Variants in CCDC172 observed in about 807,000 individuals in gnomAD.
CCDC172 encodes coiled-coil domain containing 172.
In CCDC172, 30 loss-of-function variants were observed where a neutral mutation model predicts 38.0. The observed-to-expected ratio is 0.79, with a 90% CI of 0.59 to 1.07. The LOEUF is 1.07. Among genes scored for constraint, CCDC172 ranks in the 50% least tolerant of loss-of-function variants. The probability of loss-of-function intolerance (pLI) is 0.00; values close to 1 mark genes in which losing one functional copy is unlikely to be tolerated. For synonymous variants in CCDC172, 78 were observed against 88.3 expected, an observed-to-expected ratio of 0.88 and a Z score of 0.66; for missense variants, 297 against 290.1, an observed-to-expected ratio of 1.02 and a Z score of -0.17.
intron 5 of CCDC172, among the ~76,000 whole-genome samples, chr10:116,343,650 C>T (rs1057341924): frequency 3.7e-4 from 56 of 151,964 alleles, no homozygotes; most frequent in African/African-American, 1.4e-4. Context: ...AGTCCAAGCT[C>T]ACTGTGTTCA....
At chr10:116,328,784 G>A (rs1190053396) in intron 3 of CCDC172, among the ~76,000 whole-genome samples, 1 of 151,968 alleles carries the variant, frequency 6.6e-6, no homozygotes, top group African/African-American at 2.4e-5. Context: ...GTAAAAGTTA[G>A]GAAACCTCCA....
chr10:116,365,726 T>A (rs1845114960), intron 7 of CCDC172, among the ~76,000 whole-genome samples: 1 of 152,192 alleles, frequency 6.6e-6, no homozygotes, highest in African/African-American at 2.4e-5. Flanking sequence ...ATGTGCTGCA[T>A]AATGACATTT....
intron 7 of CCDC172, among the ~76,000 whole-genome samples, chr10:116,363,945 A>T (rs988034787): frequency 3.4e-4 from 51 of 151,522 alleles, no homozygotes; most frequent in Middle Eastern, 3.4e-3. Context: ...AAAAAAAAAA[A>T]AAAATAATAA....
intron 7 of CCDC172, among the ~76,000 whole-genome samples, chr10:116,363,455 C>A (rs532365457): frequency 6.6e-6 from 1 of 151,998 alleles, no homozygotes; most frequent in Admixed American, 6.6e-5. Flanking sequence ...ACTGATAGTA[C>A]TTTAAATAGA....
intron 3 of CCDC172, among the ~76,000 whole-genome samples, chr10:116,338,226 G>A (rs551460568): frequency 2.6e-5 from 4 of 152,076 alleles, no homozygotes; most frequent in South Asian, 2.1e-4. Flanking sequence ...AACTCCTGCC[G>A]CTTTCTCCGT....
intron 5 of CCDC172, among the ~76,000 whole-genome samples, chr10:116,354,390 C>G (rs1215388005): frequency 6.6e-6 from 1 of 152,028 alleles, no homozygotes; most frequent in Non-Finnish European, 1.5e-5. Flanking sequence ...TCAGGCAGGT[C>G]CTGTAAGAAT....
chr10:116,325,271 T>C, intron 2 of CCDC172, 32 bp from the exon 3 acceptor site: 1 of 1,584,516 alleles, frequency 6.3e-7, no homozygotes, highest in Non-Finnish European at 8.6e-7. Context: ...TTAGAAAGAT[T>C]GATGTGTTTA....
chr10:116,354,297 C>T (rs1242302018), intron 5 of CCDC172, among the ~76,000 whole-genome samples: 2 of 152,094 alleles, frequency 1.3e-5, no homozygotes, highest in East Asian at 3.8e-4. Context: ...TATTATTATA[C>T]TTTTTATAAT....
chr10:116,357,610 T>A, intron 6 of CCDC172, 129 bp downstream of exon 6: 1 of 879,120 alleles, frequency 1.1e-6, no homozygotes, highest in East Asian at 3.1e-5. Flanking sequence ...AAAAAAGAAA[T>A]AGATAAAACA....
intron 7 of CCDC172, among the ~76,000 whole-genome samples, chr10:116,374,202 A>G (rs1014748287): frequency 1.3e-5 from 2 of 152,146 alleles, no homozygotes; most frequent in Non-Finnish European, 2.9e-5. Flanking sequence ...GCACTTAATG[A>G]TGAGCCCAAG....
At chr10:116,328,225 C>T (rs574937406) in intron 3 of CCDC172, among the ~76,000 whole-genome samples, 1 of 152,080 alleles carries the variant, frequency 6.6e-6, no homozygotes, top group African/African-American at 2.4e-5. Context: ...TATATGGTTG[C>T]AAAAGTCTCA....
intron 7 of CCDC172, among the ~76,000 whole-genome samples, chr10:116,360,041 T>C (rs1195218858): frequency 6.6e-6 from 1 of 152,242 alleles, no homozygotes; most frequent in Admixed American, 6.5e-5. Context: ...ATAATCTGTC[T>C]CTATTTATAA....
intron 4 of CCDC172, 38 bp from the exon 5 acceptor site, chr10:116,341,998 C>A: frequency 7.6e-7 from 1 of 1,323,694 alleles, no homozygotes; most frequent in Non-Finnish European, 1.0e-6. Flanking sequence ...ATTATTGCAA[C>A]TAACACCTAT....
At chr10:116,364,396 A>G (rs973088270) in intron 7 of CCDC172, among the ~76,000 whole-genome samples, 1 of 152,192 alleles carries the variant, frequency 6.6e-6, no homozygotes, top group Admixed American at 6.5e-5. Context: ...ACAAATTATT[A>G]TAAGCATCTT....
intron 7 of CCDC172, 116 bp from the exon 8 acceptor site, chr10:116,378,307 T>C (rs1674717480): frequency 2.4e-5 from 24 of 1,020,034 alleles, no homozygotes; most frequent in Non-Finnish European, 3.1e-5. Context: ...ATATGCCAAT[T>C]ATTTAGTCTT....
intron 7 of CCDC172, among the ~76,000 whole-genome samples, chr10:116,377,590 G>A (rs1845263093): frequency 6.6e-6 from 1 of 151,942 alleles, no homozygotes; most frequent in Non-Finnish European, 1.5e-5. Flanking sequence ...ACTTAATTGG[G>A]GAAAAGAAAC....
intron 3 of CCDC172, among the ~76,000 whole-genome samples, chr10:116,335,395 T>G (rs1267740485): frequency 6.8e-6 from 1 of 147,270 alleles, no homozygotes; most frequent in Non-Finnish European, 1.5e-5. Flanking sequence ...ATTATTGGCT[T>G]AAATATATTA....
chr10:116,325,754 T>A (rs1421216263), intron 3 of CCDC172, among the ~76,000 whole-genome samples: 1 of 152,252 alleles, frequency 6.6e-6, no homozygotes, highest in Admixed American at 6.5e-5. Flanking sequence ...TATGTTGATA[T>A]AACAATTGCA....
intron 3 of CCDC172, among the ~76,000 whole-genome samples, chr10:116,326,164 C>T (rs754602919): frequency 5.3e-5 from 8 of 152,118 alleles, no homozygotes; most frequent in Non-Finnish European, 1.0e-4. Flanking sequence ...TCCAGTTACT[C>T]AGGAGGCTAA....
Sources: gnomAD v4.1 joint callset for allele counts (sites outside exome capture counted in the v4.1 genomes callset) on GRCh38, gnomAD v4.1.1 for gene constraint, MANE v1.5 for transcripts, NCBI Gene and HGNC (gene_info 2026-07-23, HGNC 2026-07-21) for gene names.